The following CTDSPL variants were observed in gnomAD, a reference collection of about 807,000 sequenced individuals.
CTDSPL encodes the protein CTD small phosphatase-like protein.
Under a neutral mutation model 30.5 loss-of-function variants are expected in CTDSPL, and 8 were observed. The ratio of observed to expected loss-of-function variants is 0.26; its 90% CI spans 0.15 to 0.47. CTDSPL has a LOEUF of 0.47. Ranked by LOEUF, CTDSPL falls within the 20% of genes least tolerant of loss-of-function variation. CTDSPL has a pLI of 0.99. For synonymous variants in CTDSPL, 110 were observed against 137.9 expected (o/e 0.80, Z 1.42); for missense variants, 248 against 366.1 (o/e 0.68, Z 2.63).
intron 1 of CTDSPL, among the ~76,000 whole-genome samples, chr3:37,936,415 C>T (rs1219667440): frequency 6.6e-6 from 1 of 152,072 alleles, no homozygotes; most frequent in Non-Finnish European, 1.5e-5. Flanking sequence ...TGGCCTCTTA[C>T]CACTCCCAAC....
rs1395692824 is a variant in CTDSPL at position 37,984,294 on chromosome 3, A to G, written c.*3427A>G. On this transcript the variant is annotated 3_prime_UTR_variant, in exon 8 of 8. Transcript: ENST00000273179. ...CACCCTCCCCCACCCCGGGTAGTGG[A>G]GATGCTGGTGTCTGGGTAGTCATGG... 2.2e-6 allele frequency: 1 copy of G among 456,690 alleles called. No homozygotes were observed. The highest frequency in any genetic ancestry group is 4.4e-6 in the Non-Finnish European group (1 of 227,000). 28.3% of individuals were successfully genotyped at this position (456,690 alleles called of 1,614,324 possible). A position where few individuals can be genotyped will look rare whatever the true frequency, so the allele number is the denominator to read the frequency against.
At position 37,984,456 on chromosome 3, in the gene CTDSPL, CAT is replaced by C. The variant is rs1268453655; in HGVS notation, c.*3590_*3591del. ...TGATTTCCTTCCTGCCAAAAATAAA[CAT>C]GTGAAACTGCACTCTTTTGTGGATT... On this transcript the variant is annotated 3_prime_UTR_variant, in exon 8 of 8. Coordinates refer to ENST00000273179, the MANE Select transcript of CTDSPL (RefSeq NM_001008392.2). 1.3e-5 allele frequency: 5 copies of C among 385,494 alleles called. No homozygotes were observed. The highest frequency in any genetic ancestry group is 2.1e-5 in the African/African-American group (1 of 48,122). 23.9% of individuals were successfully genotyped at this position (385,494 alleles called of 1,614,324 possible). A position where few individuals can be genotyped will look rare whatever the true frequency, so the allele number is the denominator to read the frequency against.
intron 1 of CTDSPL, among the ~76,000 whole-genome samples, chr3:37,916,295 G>T (rs931110966): frequency 6.6e-6 from 1 of 152,158 alleles, no homozygotes; most frequent in Non-Finnish European, 1.5e-5. Flanking sequence ...GAGTTAGTCC[G>T]AGCTAACATT....
chr3:37,922,715 A>C (rs1307900133), intron 1 of CTDSPL, among the ~76,000 whole-genome samples: 1 of 152,250 alleles, frequency 6.6e-6, no homozygotes, highest in Non-Finnish European at 1.5e-5. Flanking sequence ...TCCTTATTAC[A>C]TGATATTTGT....
intron 1 of CTDSPL, among the ~76,000 whole-genome samples, chr3:37,893,419 G>A (rs367726361): frequency 6.6e-6 from 1 of 152,318 alleles, no homozygotes; most frequent in African/African-American, 2.4e-5. Flanking sequence ...CACACTTCCA[G>A]AGCTCTCTGG....
intron 1 of CTDSPL, among the ~76,000 whole-genome samples, chr3:37,877,564 G>A (rs1309087045): frequency 6.6e-6 from 1 of 152,184 alleles, no homozygotes; most frequent in Non-Finnish European, 1.5e-5. Context: ...ATGAACACAG[G>A]TGTTTGAGTC....
At chr3:37,883,937 A>G (rs891418361) in intron 1 of CTDSPL, among the ~76,000 whole-genome samples, 2 of 152,150 alleles carry the variant, frequency 1.3e-5, no homozygotes, top group Non-Finnish European at 2.9e-5. Context: ...CTTCTTTTTC[A>G]TTCTTGATAT....
chr3:37,883,053 A>G (rs1269092771), intron 1 of CTDSPL, among the ~76,000 whole-genome samples: 1 of 152,264 alleles, frequency 6.6e-6, no homozygotes, highest in Non-Finnish European at 1.5e-5. Flanking sequence ...TGCCAGTTCT[A>G]CCTTGTTATC....
intron 1 of CTDSPL, among the ~76,000 whole-genome samples, chr3:37,909,396 G>T (rs1447378039): frequency 1.3e-5 from 2 of 152,240 alleles, no homozygotes; most frequent in Admixed American, 6.5e-5. Flanking sequence ...GGCTGAGCAG[G>T]TCTTTCAGGG....
At chr3:37,938,721 C>T (rs1243738490) in intron 1 of CTDSPL, among the ~76,000 whole-genome samples, 1 of 147,658 alleles carries the variant, frequency 6.8e-6, no homozygotes, top group African/African-American at 2.5e-5. Context: ...TGCTCTGTTG[C>T]CCAGGCTGGA....
chr3:37,863,230 T>C (rs1373115643), intron 1 of CTDSPL, among the ~76,000 whole-genome samples: 1 of 152,188 alleles, frequency 6.6e-6, no homozygotes, highest in East Asian at 1.9e-4. Context: ...CACTTGTGGA[T>C]CCCTTATAGT....
chr3:37,937,327 T>G (rs990490957), intron 1 of CTDSPL, among the ~76,000 whole-genome samples: 1 of 149,970 alleles, frequency 6.7e-6, no homozygotes, highest in Non-Finnish European at 1.5e-5. Context: ...GCTGTCTGAG[T>G]CCCAGGGACA....
intron 1 of CTDSPL, among the ~76,000 whole-genome samples, chr3:37,870,641 G>A (rs1313541670): frequency 1.3e-5 from 2 of 151,892 alleles, no homozygotes; most frequent in Non-Finnish European, 2.9e-5. Flanking sequence ...TTCTTGAAGG[G>A]GCACTTAGAT....
intron 1 of CTDSPL, among the ~76,000 whole-genome samples, chr3:37,903,333 A>G (rs1480028339): frequency 6.6e-6 from 1 of 152,240 alleles, no homozygotes; most frequent in East Asian, 1.9e-4. Flanking sequence ...ATGTATGCAC[A>G]TACTTTGAAA....
chr3:37,934,113 G>A lies in CTDSPL; in HGVS notation c.80-12944G>A, dbSNP rs185300154. Reference sequence around the variant, plus strand: ...AAAGTGGGAGTACTTCTTGAAGCCAGGAGTTAGAAAACAGTCTGGGCAACA... The same window carrying A: ...AAAGTGGGAGTACTTCTTGAAGCCAAGAGTTAGAAAACAGTCTGGGCAACA... On this transcript the variant is annotated intron_variant, in intron 1 of 7. Coordinates refer to ENST00000273179, the MANE Select transcript of CTDSPL (RefSeq NM_001008392.2). 1.1e-4 allele frequency among the ~76,000 whole-genome samples: 16 copies of A among 152,234 alleles called. No individual in the cohort carries two copies. The East Asian group carries it at 2.3e-3, about 22-fold the overall frequency.
At chr3:37,894,451 T>C (rs147900373) in intron 1 of CTDSPL, among the ~76,000 whole-genome samples, 15 of 152,210 alleles carry the variant, frequency 9.9e-5, no homozygotes, top group Non-Finnish European at 1.9e-4. Context: ...CCTGGCATCC[T>C]TGGTTTCTGA....
intron 3 of CTDSPL, among the ~76,000 whole-genome samples, chr3:37,960,531 TATATACACACACACACAC>T (rs1408481062): frequency 6.3e-5 from 3 of 47,316 alleles, no homozygotes; most frequent in African/African-American, 2.1e-4. Context: ...TATATATATA[TATATACACACACACACAC>T]ACACACACAC....
At chr3:37,963,676 C>T (rs1575320238) in intron 3 of CTDSPL, among the ~76,000 whole-genome samples, 1 of 152,122 alleles carries the variant, frequency 6.6e-6, no homozygotes, top group Non-Finnish European at 1.5e-5. Flanking sequence ...TCCTCTAAAT[C>T]GAGTGAGGTT....
At chr3:37,896,413 AAG>A (rs1415494675) in intron 1 of CTDSPL, among the ~76,000 whole-genome samples, 1 of 152,212 alleles carries the variant, frequency 6.6e-6, no homozygotes, top group African/African-American at 2.4e-5. Flanking sequence ...TGATGTGAAA[AAG>A]AGCTAGAAAG....
Sources: gnomAD v4.1 joint callset for allele counts (sites outside exome capture counted in the v4.1 genomes callset) on GRCh38, gnomAD v4.1.1 for gene constraint, MANE v1.5 for transcripts, NCBI Gene and HGNC (gene_info 2026-07-23, HGNC 2026-07-21) for gene names.